Variants in DNAH14 observed in about 807,000 individuals in gnomAD.
DNAH14 encodes axonemal beta dynein heavy chain 14.
A neutral mutation model predicts 520.9 loss-of-function variants in DNAH14; 478 were observed. That is an observed-to-expected ratio of 0.92 (90% CI 0.85 to 0.99). The LOEUF is 0.99. Among genes scored for constraint, DNAH14 ranks in the 50% least tolerant of loss-of-function variants. The pLI, the probability that DNAH14 is intolerant of heterozygous loss-of-function variation, is 0.00. For missense variants in DNAH14, 4,831 were observed against 5,234.5 expected (o/e 0.92, Z 2.38); for synonymous variants, 1,581 against 1,757.2 (o/e 0.90, Z 2.51).
At position 225,272,895 on chromosome 1, in the gene DNAH14, G is replaced by T; in HGVS notation, c.7840-60G>T. On this transcript the variant is annotated intron_variant, in intron 51 of 85. Transcript: ENST00000682510. The stretch of plus-strand genomic sequence containing the variant: ...ATAAACCTGCAAAAATTGAGCCTTC[G>T]CTTCACATACTACCCTGCTAATTTT... 4.2e-6 allele frequency: 6 copies of T among 1,419,588 alleles called. No homozygotes were observed. The South Asian group carries it at 4.7e-5, about 11-fold the overall frequency. The allele number at this position is 1,419,588 out of a possible 1,614,324, so 87.9% of individuals were successfully genotyped here. A position where few individuals can be genotyped will look rare whatever the true frequency, so the allele number is the denominator to read the frequency against.
intron 27 of DNAH14, 91 bp from the exon 28 acceptor site, chr1:225,140,677 G>A: frequency 9.4e-7 from 1 of 1,061,880 alleles, no homozygotes; most frequent in Non-Finnish European, 1.3e-6. Flanking sequence ...TAAACTTTAT[G>A]AAAACATCCA....
chr1:225,284,070 A>G (rs887125128), intron 54 of DNAH14, among the ~76,000 whole-genome samples: 12 of 152,164 alleles, frequency 7.9e-5, no homozygotes, highest in Non-Finnish European at 1.6e-4. Flanking sequence ...CCTCAAATCA[A>G]TAACCTAACC....
At chr1:224,987,158 C>T (rs927957618) in intron 8 of DNAH14, among the ~76,000 whole-genome samples, 2 of 140,556 alleles carry the variant, frequency 1.4e-5, no homozygotes, top group African/African-American at 3.0e-5. Context: ...CAGAGACAGA[C>T]CTGAGACCTG....
At chr1:224,938,116 A>G (rs569300866) in intron 1 of DNAH14, among the ~76,000 whole-genome samples, 1 of 152,228 alleles carries the variant, frequency 6.6e-6, no homozygotes, top group African/African-American at 2.4e-5. Flanking sequence ...AATGTTGGGA[A>G]AATGATCCAG....
At chr1:225,384,545 TA>T (rs1230127448) in intron 81 of DNAH14, among the ~76,000 whole-genome samples, 1 of 151,972 alleles carries the variant, frequency 6.6e-6, no homozygotes, top group Non-Finnish European at 1.5e-5. Context: ...ATAAAGGGGA[TA>T]TCACCACCGA....
At chr1:225,163,183 T>G (rs1425986374) in intron 35 of DNAH14, among the ~76,000 whole-genome samples, 1 of 151,254 alleles carries the variant, frequency 6.6e-6, no homozygotes, top group Non-Finnish European at 1.5e-5. Context: ...ATGCTACTGA[T>G]TTTTTATTTT....
At chr1:225,265,812 A>G (rs1239160924) in intron 48 of DNAH14, among the ~76,000 whole-genome samples, 1 of 152,072 alleles carries the variant, frequency 6.6e-6, no homozygotes, top group Non-Finnish European at 1.5e-5. Context: ...AACTTTAGGG[A>G]TTTTGAAAAG....
chr1:225,039,960 T>C (rs560013842), intron 12 of DNAH14, among the ~76,000 whole-genome samples: 3 of 124,234 alleles, frequency 2.4e-5, no homozygotes, highest in Admixed American at 8.3e-5. Context: ...TTTCTTGAGG[T>C]GGAGTGTTGC....
In DNAH14 at chr1:225,023,851, T is replaced by C. The variant is rs1348922787; in HGVS notation, c.1344T>C (p.Asn448=). ...TGCCATTTTCAGTGGAAAAAAAGAA[T>C]GAAAATCTTATCAGGTAAATTACTT... is the stretch of plus-strand genomic sequence containing the variant. ...AGMPFSVEKK[N]ENLIRTFKDN... is the part of the protein sequence containing the mutation. The change falls in exon 11 of 86, where the codon AAT becomes AAC. Residue 448 remains asparagine, a synonymous_variant. Transcript: ENST00000682510. 7.8e-6 allele frequency: 12 copies of C among 1,532,818 alleles called. No homozygotes were observed. The South Asian group carries it at 1.4e-4, about 18-fold the overall frequency. The allele number at this position is 1,532,818 out of a possible 1,614,324, so 95.0% of individuals were successfully genotyped here. A position where few individuals can be genotyped will look rare whatever the true frequency, so the allele number is the denominator to read the frequency against.
intron 69 of DNAH14, among the ~76,000 whole-genome samples, chr1:225,341,104 T>C (rs961904581): frequency 3.9e-5 from 6 of 152,156 alleles, no homozygotes; most frequent in Non-Finnish European, 5.9e-5. Flanking sequence ...TATTTTATTT[T>C]TCTTTATTTT....
At chr1:225,080,854 G>A (rs902937304) in intron 19 of DNAH14, 106 bp downstream of exon 19, 3 of 1,200,418 alleles carry the variant, frequency 2.5e-6, no homozygotes, top group African/African-American at 3.1e-5. Context: ...TTCTCAGGTT[G>A]ACCATTATGG....
chr1:225,338,984 A>G (rs1395368908), intron 68 of DNAH14, among the ~76,000 whole-genome samples: 10 of 151,960 alleles, frequency 6.6e-5, no homozygotes, highest in South Asian at 2.1e-4. Flanking sequence ...TCTCTCATCA[A>G]ATTATTACTC....
chr1:225,313,949 T>G (rs2094419774), intron 60 of DNAH14, among the ~76,000 whole-genome samples: 1 of 152,238 alleles, frequency 6.6e-6, no homozygotes. Context: ...AGATGTCTGT[T>G]AGGTCTGCTT....
At chr1:225,308,223 C>CTT (rs1189658041) in intron 59 of DNAH14, 62 bp from the exon 60 acceptor site, 9 of 1,474,710 alleles carry the variant, frequency 6.1e-6, no homozygotes, top group Non-Finnish European at 7.2e-6. Context: ...TTGAATTGCT[C>CTT]TTTTAGAAAA....
At chr1:224,993,109 A>C (rs2063166756) in intron 8 of DNAH14, among the ~76,000 whole-genome samples, 3 of 152,002 alleles carry the variant, frequency 2.0e-5, no homozygotes, top group South Asian at 4.1e-4. Context: ...GGTTTGCTAG[A>C]ATTTGGTTTA....
chr1:225,350,825 A>G (rs71646717), intron 71 of DNAH14, among the ~76,000 whole-genome samples: 6,898 of 152,238 alleles, frequency 0.045, 208 homozygotes, highest in Middle Eastern at 0.075. Flanking sequence ...AAAAATTAAC[A>G]TAAATTTTCC....
intron 60 of DNAH14, among the ~76,000 whole-genome samples, chr1:225,316,947 A>G (rs543278477): frequency 6.6e-6 from 1 of 152,268 alleles, no homozygotes; most frequent in Admixed American, 6.5e-5. Flanking sequence ...TGTGTTTTTC[A>G]TTTTTGATAG....
intron 8 of DNAH14, among the ~76,000 whole-genome samples, chr1:224,987,258 G>A (rs1444448307): frequency 6.6e-6 from 1 of 152,050 alleles, no homozygotes; most frequent in East Asian, 1.9e-4. Context: ...CCAAGAGAGA[G>A]AGTGATTTAA....
chr1:225,160,836 A>G (rs999171167), intron 35 of DNAH14, among the ~76,000 whole-genome samples: 6 of 152,088 alleles, frequency 3.9e-5, no homozygotes, highest in African/African-American at 1.4e-4. Flanking sequence ...CTGTTCACTT[A>G]ATATATCTTT....
Sources: gnomAD v4.1 joint callset for allele counts (sites outside exome capture counted in the v4.1 genomes callset) on GRCh38, gnomAD v4.1.1 for gene constraint, MANE v1.5 for transcripts, NCBI Gene and HGNC (gene_info 2026-07-23, HGNC 2026-07-21) for gene names.